The following COX7B2 variants were observed in gnomAD, a reference collection of about 807,000 sequenced individuals.
The protein encoded by COX7B2 is cytochrome c oxidase subunit 7B2.
For synonymous variants in COX7B2, 37 were observed against 32.1 expected (o/e 1.15, Z -0.51); for missense variants, 109 against 95.9 (o/e 1.14, Z -0.57).
At chr4:46,856,494 G>T (rs918375031) in intron 1 of COX7B2, among the ~76,000 whole-genome samples, 2 of 152,110 alleles carry the variant, frequency 1.3e-5, no homozygotes, top group African/African-American at 4.8e-5. Flanking sequence ...GAATTCATAA[G>T]TTCTCCTTCT....
intron 1 of COX7B2, among the ~76,000 whole-genome samples, chr4:46,876,346 AT>A (rs1204860614): frequency 6.6e-6 from 1 of 151,880 alleles, no homozygotes; most frequent in Non-Finnish European, 1.5e-5. Context: ...GTATCTCTTT[AT>A]AAAGGGAAGA....
rs531719979 is a variant in COX7B2 at position 46,810,285 on chromosome 4, C to T, written c.-50+34675G>A. 1.0e-3 allele frequency among the ~76,000 whole-genome samples: 155 copies of T among 152,106 alleles called. 1 individual carries two copies. The highest frequency in any genetic ancestry group is 1.7e-3 in the Non-Finnish European group (114 of 67,858). On this transcript the variant is annotated intron_variant, in intron 2 of 2. Transcript: ENST00000355591. ...TTTACATTCAAGGTTGTTACTGATA[C>T]ATAGGGACTTGCTACTGCCATTTTG...
At chr4:46,866,290 C>G (rs1717659148) in intron 1 of COX7B2, among the ~76,000 whole-genome samples, 1 of 152,114 alleles carries the variant, frequency 6.6e-6, no homozygotes, top group East Asian at 1.9e-4. Flanking sequence ...TCTATAGATC[C>G]ACCTTGGCAG....
Position 46,777,142 on chromosome 4 carries a change from G to T in COX7B2, c.-49-41901C>A, listed in dbSNP as rs1229192164. ...AAGGCTTACCATATATGAAAGTAAGGATACTCAATGGTCTTTAAAATGTAT... is the reference window on the plus strand; with the variant it reads ...AAGGCTTACCATATATGAAAGTAAGTATACTCAATGGTCTTTAAAATGTAT... On this transcript the variant is annotated intron_variant, in intron 2 of 2. Coordinates refer to ENST00000355591, the MANE Select transcript of COX7B2 (RefSeq NM_130902.3). 2.0e-5 allele frequency among the ~76,000 whole-genome samples: 3 copies of T among 152,090 alleles called. No individual in the cohort carries two copies. In the South Asian group the frequency reaches 6.2e-4, roughly 31 times the overall value.
chr4:46,850,250 TAAATGATTTA>T (rs1279537485), intron 1 of COX7B2, among the ~76,000 whole-genome samples: 1 of 151,728 alleles, frequency 6.6e-6, no homozygotes, highest in Non-Finnish European at 1.5e-5. Context: ...TAAAATAATT[TAAATGATTTA>T]AAATGATTTA....
chr4:46,757,266 C>T (rs1184046463), intron 2 of COX7B2, among the ~76,000 whole-genome samples: 1 of 134,774 alleles, frequency 7.4e-6, no homozygotes, highest in Non-Finnish European at 1.5e-5. Context: ...AATATGTACA[C>T]ATGCATATAC....
chr4:46,781,528 C>T (rs927796551), intron 2 of COX7B2, among the ~76,000 whole-genome samples: 44 of 152,250 alleles, frequency 2.9e-4, no homozygotes, highest in African/African-American at 1.0e-3. Context: ...GTGCTAGCAG[C>T]CCTCGCTTGC....
chr4:46,894,366 C>T (rs768295420), intron 1 of COX7B2, among the ~76,000 whole-genome samples: 2 of 151,998 alleles, frequency 1.3e-5, no homozygotes, highest in Non-Finnish European at 2.9e-5. Context: ...CTTTAACAAA[C>T]CTGACAAAAG....
At chr4:46,752,076 T>C (rs962777405) in intron 2 of COX7B2, among the ~76,000 whole-genome samples, 1 of 152,208 alleles carries the variant, frequency 6.6e-6, no homozygotes, top group African/African-American at 2.4e-5. Context: ...CATTTTTTTG[T>C]GTCCTCTTTT....
chr4:46,758,188 C>T (rs1670049872), intron 2 of COX7B2, among the ~76,000 whole-genome samples: 2 of 151,950 alleles, frequency 1.3e-5, no homozygotes, highest in Non-Finnish European at 2.9e-5. Context: ...AACACTGAGG[C>T]AACATTTATT....
chr4:46,800,775 G>C (rs963479765), intron 2 of COX7B2, among the ~76,000 whole-genome samples: 1 of 152,074 alleles, frequency 6.6e-6, no homozygotes, highest in African/African-American at 2.4e-5. Context: ...AAAGAGTTTT[G>C]CACAGCAAAA....
intron 2 of COX7B2, among the ~76,000 whole-genome samples, chr4:46,821,089 C>T (rs545971475): frequency 3.3e-3 from 497 of 152,156 alleles, no homozygotes; most frequent in Non-Finnish European, 5.1e-3. Context: ...TTCTGCGTTT[C>T]GTATCTGGTT....
At chr4:46,812,105 A>G (rs1490301413) in intron 2 of COX7B2, among the ~76,000 whole-genome samples, 1 of 152,188 alleles carries the variant, frequency 6.6e-6, no homozygotes, top group African/African-American at 2.4e-5. Context: ...ATAATACAGT[A>G]TATAATACAG....
At chr4:46,853,654 C>T (rs1347306425) in intron 1 of COX7B2, among the ~76,000 whole-genome samples, 2 of 151,920 alleles carry the variant, frequency 1.3e-5, no homozygotes, top group Non-Finnish European at 2.9e-5. Flanking sequence ...TACAATTAGG[C>T]TTGTCTTCTA....
chr4:46,873,329 G>T (rs1329940622), intron 1 of COX7B2, among the ~76,000 whole-genome samples: 2 of 152,102 alleles, frequency 1.3e-5, no homozygotes, highest in Non-Finnish European at 2.9e-5. Context: ...AATCCTGTGG[G>T]TATATACCCA....
At chr4:46,743,632 G>A (rs1335565281) in intron 2 of COX7B2, among the ~76,000 whole-genome samples, 1 of 152,114 alleles carries the variant, frequency 6.6e-6, no homozygotes, top group Non-Finnish European at 1.5e-5. Context: ...TCTAAGTTTT[G>A]AGAAGTATGC....
intron 2 of COX7B2, among the ~76,000 whole-genome samples, chr4:46,753,045 C>A (rs933953040): frequency 2.0e-5 from 3 of 152,094 alleles, no homozygotes; most frequent in Non-Finnish European, 4.4e-5. Context: ...TCCATCTGGT[C>A]CTGGACTTTT....
At chr4:46,835,731 G>A (rs922535893) in intron 2 of COX7B2, among the ~76,000 whole-genome samples, 12 of 152,122 alleles carry the variant, frequency 7.9e-5, no homozygotes, top group African/African-American at 2.9e-4. Flanking sequence ...ATAAATAAGT[G>A]ATGTGCCATT....
intron 1 of COX7B2, among the ~76,000 whole-genome samples, 200 bp downstream of exon 1, chr4:46,908,960 C>T (rs974297422): frequency 2.0e-5 from 3 of 151,642 alleles, no homozygotes; most frequent in African/African-American, 2.4e-5. Flanking sequence ...AGGAGAATGG[C>T]GTGAACCCGG....
Sources: allele counts gnomAD v4.1 joint callset (sites outside exome capture counted in the v4.1 genomes callset), GRCh38; gene constraint gnomAD v4.1.1; transcripts MANE v1.5; gene names NCBI Gene and HGNC (gene_info 2026-07-23, HGNC 2026-07-21).